PRKCB: variants seen among roughly 807,000 people sequenced by gnomAD.
PRKCB encodes protein kinase C beta type.
A neutral mutation model predicts 81.5 loss-of-function variants in PRKCB; 13 were observed. The observed-to-expected ratio is 0.16, with a 90% confidence interval of 0.10 to 0.25. The LOEUF (loss-of-function observed/expected upper bound fraction) is 0.25, where lower values mean the gene tolerates loss of function less well. Ranked by LOEUF, PRKCB falls within the 10% of genes least tolerant of loss-of-function variation. PRKCB has a pLI of 1.00. For synonymous variants in PRKCB, 335 were observed against 321.4 expected, an observed-to-expected ratio of 1.04 and a Z score of -0.45; for missense variants, 509 against 875.7, an observed-to-expected ratio of 0.58 and a Z score of 5.29.
chr16:24,091,931 T>A (rs1966381882), intron 5 of PRKCB, among the ~76,000 whole-genome samples: 1 of 152,210 alleles, frequency 6.6e-6, no homozygotes, highest in African/African-American at 2.4e-5. Context: ...TGGTTATGGG[T>A]GATACATGGA....
At chr16:24,207,006 C>T (rs1347971938) in intron 16 of PRKCB, among the ~76,000 whole-genome samples, 1 of 152,232 alleles carries the variant, frequency 6.6e-6, no homozygotes, top group Admixed American at 6.5e-5. Flanking sequence ...TCATAGCTTG[C>T]TGCAGTCTAA....
chr16:23,897,287 A>C (rs1207526992), intron 2 of PRKCB, among the ~76,000 whole-genome samples: 2 of 152,170 alleles, frequency 1.3e-5, no homozygotes, highest in East Asian at 1.9e-4. Flanking sequence ...AGATGGCTTT[A>C]TTCTTTCCCC....
chr16:24,045,154 A>C (rs1468405896), intron 5 of PRKCB, among the ~76,000 whole-genome samples: 1 of 152,104 alleles, frequency 6.6e-6, no homozygotes, highest in Non-Finnish European at 1.5e-5. Flanking sequence ...AGGAAAAATG[A>C]ACAGAAATAA....
At chr16:24,211,116 T>TA (rs1567414263) in intron 16 of PRKCB, among the ~76,000 whole-genome samples, 1 of 152,218 alleles carries the variant, frequency 6.6e-6, no homozygotes, top group Non-Finnish European at 1.5e-5. Context: ...CAGGTCTTCA[T>TA]ACTATGTCAG....
rs966119272 is a variant in PRKCB at position 23,996,418 on chromosome 16, C to T, written c.288+7828C>T. 6.6e-5 allele frequency among the ~76,000 whole-genome samples: 10 copies of T among 152,170 alleles called. No homozygotes were observed. The South Asian group carries it at 8.3e-4, about 13-fold the overall frequency. On this transcript the variant is annotated intron_variant, in intron 3 of 16. Transcript: ENST00000643927. ...TCAAGGCTGACCTGGCTATGGCCACCGCTGAGTGCTCAATCTGCCAGCAGC... is the reference window on the plus strand; with the variant it reads ...TCAAGGCTGACCTGGCTATGGCCACTGCTGAGTGCTCAATCTGCCAGCAGC...
chr16:24,143,901 C>T (rs1166825243), intron 9 of PRKCB, among the ~76,000 whole-genome samples: 1 of 152,116 alleles, frequency 6.6e-6, no homozygotes, highest in East Asian at 1.9e-4. Flanking sequence ...TCTTCCTTGC[C>T]TCCTCCTCCT....
intron 5 of PRKCB, among the ~76,000 whole-genome samples, chr16:24,055,344 G>A (rs1375150773): frequency 6.6e-6 from 1 of 152,214 alleles, no homozygotes; most frequent in Non-Finnish European, 1.5e-5. Context: ...CTGCCTGCTG[G>A]GTTCTGAGAA....
intron 16 of PRKCB, chr16:24,191,467 C>T (rs946028148): frequency 7.2e-5 from 30 of 414,432 alleles, no homozygotes; most frequent in East Asian, 3.6e-4. Context: ...TTTGTTTCTT[C>T]GATTCAATTA....
intron 2 of PRKCB, among the ~76,000 whole-genome samples, chr16:23,841,412 C>A (rs910100048): frequency 1.3e-5 from 2 of 151,790 alleles, no homozygotes; most frequent in African/African-American, 4.9e-5. Flanking sequence ...AACTTAGGAC[C>A]TGCATTTGAG....
intron 2 of PRKCB, among the ~76,000 whole-genome samples, chr16:23,908,851 C>T (rs1963608468): frequency 6.6e-6 from 1 of 152,178 alleles, no homozygotes; most frequent in Admixed American, 6.5e-5. Context: ...CACTCCTCAC[C>T]CACTCAATAT....
chr16:23,998,644 G>T (rs1964991104), intron 3 of PRKCB, among the ~76,000 whole-genome samples: 1 of 152,194 alleles, frequency 6.6e-6, no homozygotes, highest in Non-Finnish European at 1.5e-5. Context: ...ATTGTTATGA[G>T]TATCAAATAC....
chr16:24,172,128 G>C (rs1357174158), intron 10 of PRKCB, 142 bp from the exon 11 acceptor site: 18 of 654,452 alleles, frequency 2.8e-5, no homozygotes, highest in Admixed American at 1.4e-4. Flanking sequence ...CTTACCCTTG[G>C]GGAAACAGGA....
At chr16:24,044,395 A>G (rs1965740825) in intron 5 of PRKCB, among the ~76,000 whole-genome samples, 1 of 152,164 alleles carries the variant, frequency 6.6e-6, no homozygotes, top group African/African-American at 2.4e-5. Flanking sequence ...AATTAAAATG[A>G]GAAAATGAGT....
At chr16:23,991,369 T>C (rs1964883842) in intron 3 of PRKCB, among the ~76,000 whole-genome samples, 1 of 152,260 alleles carries the variant, frequency 6.6e-6, no homozygotes, top group African/African-American at 2.4e-5. Context: ...TCTCAGATCC[T>C]ATGCCCTAGC....
chr16:23,999,195 AGGG>A (rs1964999940), intron 3 of PRKCB, among the ~76,000 whole-genome samples: 2 of 152,112 alleles, frequency 1.3e-5, no homozygotes, highest in African/African-American at 4.8e-5. Flanking sequence ...GCAGGTATGG[AGGG>A]GTGCCCTCTC....
At chr16:24,121,256 C>G (rs988974038) in intron 8 of PRKCB, among the ~76,000 whole-genome samples, 1 of 152,220 alleles carries the variant, frequency 6.6e-6, no homozygotes, top group Admixed American at 6.5e-5. Flanking sequence ...GTATGGAGGA[C>G]CCAATCCCAG....
At chr16:24,136,713 G>A (rs963015727) in intron 9 of PRKCB, among the ~76,000 whole-genome samples, 3 of 152,050 alleles carry the variant, frequency 2.0e-5, no homozygotes, top group South Asian at 2.1e-4. Flanking sequence ...CCGGGGAAGC[G>A]GTTACTTTTC....
At chr16:24,169,700 C>T (rs1209100946) in intron 10 of PRKCB, among the ~76,000 whole-genome samples, 1 of 152,164 alleles carries the variant, frequency 6.6e-6, no homozygotes, top group Non-Finnish European at 1.5e-5. Flanking sequence ...CCAGCTGGTA[C>T]TCCCAATCCT....
chr16:24,061,933 A>AAAT (rs869192830), intron 5 of PRKCB, among the ~76,000 whole-genome samples: 1 of 148,766 alleles, frequency 6.7e-6, no homozygotes, highest in Non-Finnish European at 1.5e-5. Context: ...AAAAAAAAAA[A>AAAT]CTTGAGGCCT....
Sources: allele counts gnomAD v4.1 joint callset (sites outside exome capture counted in the v4.1 genomes callset), GRCh38; gene constraint gnomAD v4.1.1; transcripts MANE v1.5; gene names NCBI Gene and HGNC (gene_info 2026-07-23, HGNC 2026-07-21).